The following INTS3 variants were observed in gnomAD, a reference collection of about 807,000 sequenced individuals.
The protein encoded by INTS3 is SOSS complex subunit A.
INTS3 carries 34 observed loss-of-function variants against 146.3 expected under a neutral mutation model. That is an observed-to-expected ratio of 0.23 (90% confidence interval 0.18 to 0.31). INTS3 has a LOEUF of 0.31. INTS3 is among the 10% of genes least tolerant of loss of function. INTS3 has a pLI of 1.00. For missense variants in INTS3, 757 were observed against 1,304.2 expected (o/e 0.58, Z 6.46); for synonymous variants, 475 against 494.9 (o/e 0.96, Z 0.53).
intron 12 of INTS3, 102 bp from the exon 13 acceptor site, chr1:153,760,725 A>G (rs1377374181): frequency 2.5e-5 from 23 of 910,710 alleles, no homozygotes; most frequent in South Asian, 2.3e-4. Flanking sequence ...CATACTCCCC[A>G]GTGTCCCCTG....
intron 8 of INTS3, among the ~76,000 whole-genome samples, chr1:153,753,324 C>T (rs910464381): frequency 4.0e-5 from 6 of 151,760 alleles, no homozygotes; most frequent in African/African-American, 7.3e-5. Flanking sequence ...TTTGGGAGGC[C>T]GAGGCGGGCG....
chr1:153,770,402 C>T, intron 24 of INTS3, 91 bp downstream of exon 24: 1 of 875,690 alleles, frequency 1.1e-6, no homozygotes, highest in Non-Finnish European at 1.9e-6. Context: ...CTAGGATGAG[C>T]CCAGATCCAT....
Position 153,772,283 on chromosome 1 carries a change from TCTCGCA to T in INTS3, c.2721-53_2721-48del. 6.3e-7 allele frequency: 1 copy of T among 1,575,918 alleles called. No homozygotes were observed. Among genetic ancestry groups the T allele is most frequent in the Middle Eastern group, 1.7e-4 (1 of 5,890 alleles). On this transcript the variant is annotated intron_variant, in intron 26 of 29. Transcript: ENST00000318967. The surrounding 1 kb of genome is among the most constrained non-coding windows in gnomAD (Gnocchi z 4.6). ...AGGGGGCCCTGGCGGGTGGAGGGTG[TCTCGCA>T]CTCTGGAACCCTCCCACACTCAGAC... is the stretch of plus-strand genomic sequence containing the variant.
At chr1:153,767,889 C>CTA in intron 21 of INTS3, 62 bp downstream of exon 21, 1 of 1,493,832 alleles carries the variant, frequency 6.7e-7, no homozygotes, top group Non-Finnish European at 9.0e-7. Flanking sequence ...AGTGAACACT[C>CTA]TGAGTACACA....
At chr1:153,736,212 C>A (rs1671279090) in intron 1 of INTS3, among the ~76,000 whole-genome samples, 1 of 152,162 alleles carries the variant, frequency 6.6e-6, no homozygotes, top group African/African-American at 2.4e-5. Context: ...TACACAGGTG[C>A]TTTTTATTCA....
Position 153,772,287 on chromosome 1 carries a change from G to C in INTS3, c.2721-53G>C, listed in dbSNP as rs968939849. On this transcript the variant is annotated intron_variant, in intron 26 of 29. Coordinates refer to ENST00000318967, the MANE Select transcript of INTS3 (RefSeq NM_023015.5). This position sits in a 1 kb window ranked among gnomAD's most constrained non-coding sequence, Gnocchi z 4.6. ...GGCCCTGGCGGGTGGAGGGTGTCTC[G>C]CACTCTGGAACCCTCCCACACTCAG... The C allele has an allele frequency of 6.3e-7, 1 of 1,582,192 alleles. No homozygotes were observed. The highest frequency in any genetic ancestry group is 1.2e-5 in the South Asian group (1 of 86,602).
At chr1:153,764,278 C>A in intron 18 of INTS3, 57 bp downstream of exon 18, 1 of 1,227,076 alleles carries the variant, frequency 8.1e-7, no homozygotes, top group Non-Finnish European at 1.2e-6. Flanking sequence ...GCTCTTACAG[C>A]CTGAGTCCAA....
At chr1:153,755,860 G>A (rs1340595175) in intron 9 of INTS3, among the ~76,000 whole-genome samples, 1 of 152,108 alleles carries the variant, frequency 6.6e-6, no homozygotes, top group African/African-American at 2.4e-5. Flanking sequence ...CCAACGTGGT[G>A]AAACCCCGTC....
chr1:153,756,561 A>G (rs2101810768), intron 9 of INTS3, among the ~76,000 whole-genome samples: 1 of 152,112 alleles, frequency 6.6e-6, no homozygotes, highest in African/African-American at 2.4e-5. Context: ...CACGCCTGTA[A>G]TCTCAGTACT....
intron 2 of INTS3, among the ~76,000 whole-genome samples, chr1:153,741,069 T>C (rs1441931622): frequency 6.6e-6 from 1 of 152,120 alleles, no homozygotes; most frequent in Admixed American, 6.5e-5. Flanking sequence ...GCCTCTGGAG[T>C]AGTTGGGACT....
At position 153,774,445 on chromosome 1, in the gene INTS3, T is replaced by C. The variant is rs1353633400; in HGVS notation, c.*1175T>C. On this transcript the variant is annotated 3_prime_UTR_variant, in exon 30 of 30. Transcript: ENST00000318967. ...TGACGGGAGGGATGCTCCAGCTTGG[T>C]CTCCAGGGACAACTGTACCTGGAGA... 6.6e-6 allele frequency: 1 copy of C among 152,112 alleles called. No homozygotes were observed. Among genetic ancestry groups the C allele is most frequent in the Admixed American group, 6.6e-5 (1 of 15,260 alleles). 9.4% of individuals were successfully genotyped at this position (152,112 alleles called of 1,614,324 possible).
intron 3 of INTS3, among the ~76,000 whole-genome samples, chr1:153,745,692 T>C (rs1024070988): frequency 6.7e-6 from 1 of 148,314 alleles, no homozygotes; most frequent in African/African-American, 2.5e-5. Context: ...AGGGAAGCAA[T>C]AATCTCACAG....
Position 153,773,070 on chromosome 1 carries a change from A to C in INTS3, c.3040A>C (p.Ser1014Arg), listed in dbSNP as rs1454439475. 6.2e-7 allele frequency: 1 copy of C among 1,614,056 alleles called. No individual in the cohort carries two copies. The highest frequency in any genetic ancestry group is 8.5e-7 in the Non-Finnish European group (1 of 1,180,020). ...PPNAEEESGSSSASEEEDTKP... is the reference protein window; with the variant it reads ...PPNAEEESGSRSASEEEDTKP... ...CAATGCCGAAGAAGAGTCGGGCTCC[A>C]GCAGTGCTTCAGTGAGAACCCAGCC... The change falls in exon 29 of 30, where the codon AGC becomes CGC. Residue 1014 changes from serine to arginine, a missense_variant. Coordinates refer to ENST00000318967, the MANE Select transcript of INTS3 (RefSeq NM_023015.5).
chr1:153,765,499 GT>G (rs1164079977), intron 20 of INTS3, among the ~76,000 whole-genome samples: 1 of 151,932 alleles, frequency 6.6e-6, no homozygotes, highest in African/African-American at 2.4e-5. Context: ...CCAGTTATTG[GT>G]TTTGGGTTTT....
intron 23 of INTS3, 44 bp downstream of exon 23, chr1:153,769,888 C>A: frequency 7.6e-7 from 1 of 1,311,854 alleles, no homozygotes; most frequent in Non-Finnish European, 1.1e-6. Context: ...GAGAGGAGGG[C>A]AGGGTGTCAG....
intron 1 of INTS3, among the ~76,000 whole-genome samples, chr1:153,739,815 G>A (rs1219426999): frequency 6.6e-6 from 1 of 151,234 alleles, no homozygotes; most frequent in African/African-American, 2.4e-5. Flanking sequence ...ATTTTTTTGA[G>A]ACAGAGTCTC....
Position 153,757,364 on chromosome 1 carries a change from A to G in INTS3, c.958-208A>G, listed in dbSNP as rs139467509. Among the ~76,000 whole-genome samples the G allele has an allele frequency of 3.3e-5, 5 of 152,338 alleles. No homozygotes were observed. The highest frequency in any genetic ancestry group is 1.2e-4 in the African/African-American group (5 of 41,586). On this transcript the variant is annotated intron_variant, in intron 9 of 29. Transcript: ENST00000318967. The surrounding 1 kb of genome is among the most constrained non-coding windows in gnomAD (Gnocchi z 4.0). ...AAGAATGACTGTAACATCAGAATGC[A>G]GGGCAAGCTAGAAATTTTCAGCATT...
intron 25 of INTS3, among the ~76,000 whole-genome samples, chr1:153,770,964 G>A (rs529903311): frequency 7.2e-5 from 11 of 152,256 alleles, no homozygotes; most frequent in Admixed American, 5.9e-4. Context: ...GAGGTGGGGA[G>A]GTGGGGACCG....
At chr1:153,741,233 A>T (rs1008059144) in intron 2 of INTS3, 52 bp from the exon 3 acceptor site, 21 of 1,337,444 alleles carry the variant, frequency 1.6e-5, no homozygotes, top group Non-Finnish European at 2.0e-5. Flanking sequence ...TGAGTTTGAG[A>T]ACTTACTGCC....
Sources: gnomAD v4.1 joint callset for allele counts (sites outside exome capture counted in the v4.1 genomes callset) on GRCh38, gnomAD v4.1.1 for gene constraint, Gnocchi (gnomAD v3.1) non-coding constraint, MANE v1.5 for transcripts, NCBI Gene and HGNC (gene_info 2026-07-23, HGNC 2026-07-21) for gene names.